Variants in GNA14 observed in about 807,000 individuals in gnomAD.
GNA14 encodes the protein guanine nucleotide-binding protein subunit alpha-14.
Under a neutral mutation model 42.0 loss-of-function variants are expected in GNA14, and 50 were observed. The observed-to-expected ratio is 1.19, with a 90% CI of 0.95 to 1.51. GNA14 has a LOEUF of 1.51. GNA14 is among the 40% of genes most tolerant of loss of function. The pLI, the probability that GNA14 is intolerant of heterozygous loss-of-function variation, is 0.00. For synonymous variants in GNA14, 173 were observed against 163.1 expected, an observed-to-expected ratio of 1.06 and a Z score of -0.46; for missense variants, 473 against 446.2, an observed-to-expected ratio of 1.06 and a Z score of -0.54.
intron 2 of GNA14, among the ~76,000 whole-genome samples, chr9:77,487,019 A>T (rs149147019): frequency 3.2e-5 from 1 of 31,094 alleles, no homozygotes; most frequent in Non-Finnish European, 5.7e-5. Context: ...TCAATTTGTT[A>T]AAAAAAAAAA....
chr9:77,529,134 C>T lies in GNA14; in HGVS notation c.244G>A (p.Ala82Thr), dbSNP rs763963650. 27 of 1,614,006 alleles carry T rather than the reference C, an allele frequency of 1.7e-5. No individual in the cohort carries two copies. The highest frequency in any genetic ancestry group is 1.6e-4 in the Middle Eastern group (1 of 6,084). ...ATCGCTCTGATCATGGCTTGCATGG[C>T]GGTGAATATGTTTTGGTAAACCAGC... is the stretch of plus-strand genomic sequence containing the variant. ...TKLVYQNIFT[A>T]MQAMIRAMDT... Residue 82 changes from alanine to threonine, a missense_variant, in exon 2 of 7, where the codon GCC (alanine) becomes ACC (threonine). By Grantham distance (58) the Ala-to-Thr change is moderately conservative (BLOSUM62 0). Transcript: ENST00000341700.
intron 1 of GNA14, among the ~76,000 whole-genome samples, chr9:77,568,974 T>C (rs1338745013): frequency 6.6e-6 from 1 of 152,168 alleles, no homozygotes; most frequent in Non-Finnish European, 1.5e-5. Flanking sequence ...ACTCGATATT[T>C]TCAGGTGGAT....
intron 1 of GNA14, among the ~76,000 whole-genome samples, chr9:77,640,937 G>A (rs1008153512): frequency 6.7e-6 from 1 of 148,542 alleles, no homozygotes; most frequent in African/African-American, 2.5e-5. Flanking sequence ...CCAGCTTGAA[G>A]GGGATCTCAT....
chr9:77,440,947 C>T (rs2065778949), intron 2 of GNA14, among the ~76,000 whole-genome samples: 1 of 152,134 alleles, frequency 6.6e-6, no homozygotes, highest in African/African-American at 2.4e-5. Flanking sequence ...AACTCCTGAC[C>T]TCAAGTGATC....
At chr9:77,571,894 A>T (rs1302130720) in intron 1 of GNA14, among the ~76,000 whole-genome samples, 1 of 152,202 alleles carries the variant, frequency 6.6e-6, no homozygotes, top group Non-Finnish European at 1.5e-5. Flanking sequence ...ATTGGGTTAA[A>T]TAAACATATA....
chr9:77,495,715 G>A (rs1039070927), intron 2 of GNA14, among the ~76,000 whole-genome samples: 9 of 152,154 alleles, frequency 5.9e-5, no homozygotes, highest in Non-Finnish European at 7.3e-5. Context: ...AATGCTCCAC[G>A]CCTTCAGGAA....
chr9:77,550,782 T>C (rs1051968591), intron 1 of GNA14, among the ~76,000 whole-genome samples: 10 of 152,174 alleles, frequency 6.6e-5, no homozygotes, highest in African/African-American at 2.4e-4. Flanking sequence ...AAGGCTTTGT[T>C]AAGGTCAGGT....
intron 2 of GNA14, among the ~76,000 whole-genome samples, chr9:77,520,424 T>C (rs932594835): frequency 6.6e-6 from 1 of 152,210 alleles, no homozygotes; most frequent in African/African-American, 2.4e-5. Context: ...GGAAAGCAAA[T>C]TCTGAAGGAC....
intron 2 of GNA14, among the ~76,000 whole-genome samples, chr9:77,507,106 A>G (rs11145448): frequency 0.25 from 37,418 of 152,168 alleles, 4,916 homozygotes; most frequent in East Asian, 0.52. Flanking sequence ...CTAGTCACAC[A>G]GCTAGTAAGT....
intron 1 of GNA14, among the ~76,000 whole-genome samples, chr9:77,614,697 C>A (rs1168070012): frequency 6.6e-6 from 1 of 152,144 alleles, no homozygotes; most frequent in African/African-American, 2.4e-5. Flanking sequence ...AAGCTCCCTG[C>A]CATGCAGTCT....
chr9:77,458,278 C>G (rs1280285639), intron 2 of GNA14, among the ~76,000 whole-genome samples: 1 of 141,062 alleles, frequency 7.1e-6, no homozygotes, highest in African/African-American at 2.6e-5. Flanking sequence ...AAACCAGGCC[C>G]AAGTGCACAG....
intron 3 of GNA14, among the ~76,000 whole-genome samples, chr9:77,432,242 G>C (rs550635138): frequency 6.6e-6 from 1 of 152,258 alleles, no homozygotes; most frequent in African/African-American, 2.4e-5. Context: ...CCCTGTCCCA[G>C]CACCGCATCA....
intron 1 of GNA14, among the ~76,000 whole-genome samples, chr9:77,538,448 T>C (rs1366801970): frequency 6.6e-6 from 1 of 152,128 alleles, no homozygotes; most frequent in Non-Finnish European, 1.5e-5. Flanking sequence ...CTTGGGATTT[T>C]TTTTTCTCAT....
intron 2 of GNA14, among the ~76,000 whole-genome samples, chr9:77,487,523 G>A (rs1836681753): frequency 6.6e-6 from 1 of 152,102 alleles, no homozygotes; most frequent in Admixed American, 6.5e-5. Flanking sequence ...AAGCCAGTAT[G>A]TAAAAGCACT....
intron 2 of GNA14, among the ~76,000 whole-genome samples, chr9:77,446,925 G>C (rs1266692885): frequency 6.6e-6 from 1 of 151,914 alleles, no homozygotes; most frequent in Non-Finnish European, 1.5e-5. Context: ...ATCACACCAA[G>C]TATAAATCCT....
Position 77,485,009 on chromosome 9 carries a change from T to A in GNA14, c.309+44060A>T, listed in dbSNP as rs536478194. On this transcript the variant is annotated intron_variant, in intron 2 of 6. Transcript: ENST00000341700. ...TGTTGATGGCTGCTCAGGATGGTGG[T>A]TGCTAAAGGTTGAGGTGATTGTGAG... is the stretch of plus-strand genomic sequence containing the variant. 2.0e-5 allele frequency among the ~76,000 whole-genome samples: 3 copies of A among 152,264 alleles called. No individual in the cohort carries two copies. The East Asian group carries it at 5.8e-4, about 29-fold the overall frequency.
intron 2 of GNA14, among the ~76,000 whole-genome samples, chr9:77,525,609 G>A (rs536021317): frequency 8.7e-5 from 13 of 149,356 alleles, no homozygotes; most frequent in Non-Finnish European, 1.3e-4. Context: ...CATGATCTCC[G>A]CTCACTGCAA....
chr9:77,447,146 T>C (rs559155147), intron 2 of GNA14, among the ~76,000 whole-genome samples: 1 of 152,236 alleles, frequency 6.6e-6, no homozygotes, highest in African/African-American at 2.4e-5. Flanking sequence ...GGTTTCACCA[T>C]GTTAGCCAGG....
In GNA14 at chr9:77,647,815, G is replaced by A. The variant is rs1422907126; in HGVS notation, c.-22C>T. 6.9e-6 allele frequency: 11 copies of A among 1,599,798 alleles called. No individual in the cohort carries two copies. Among genetic ancestry groups the A allele is most frequent in the African/African-American group, 1.3e-5 (1 of 74,684 alleles). ...CCATGGTGCGCTCAGCTCAGTACCC[G>A]ACGGGGCGACGCGGCCCCGGGCACC... is the stretch of plus-strand genomic sequence containing the variant. On this transcript the variant is annotated 5_prime_UTR_variant, in exon 1 of 7. Transcript: ENST00000341700.
Sources: gnomAD v4.1 joint callset for allele counts (sites outside exome capture counted in the v4.1 genomes callset) on GRCh38, gnomAD v4.1.1 for gene constraint, MANE v1.5 for transcripts, NCBI Gene and HGNC (gene_info 2026-07-23, HGNC 2026-07-21) for gene names.